The following TRAFD1 variants were observed in gnomAD, a reference collection of about 807,000 sequenced individuals.
The protein encoded by TRAFD1 is TRAF-type zinc finger domain-containing protein 1.
In TRAFD1, 38 loss-of-function variants were observed where a neutral mutation model predicts 65.3. The observed-to-expected ratio is 0.58, with a 90% CI of 0.45 to 0.76. TRAFD1 has a LOEUF of 0.76. TRAFD1 is among the 30% of genes least tolerant of loss of function. The pLI is 0.00. For synonymous variants in TRAFD1, 223 were observed against 257.2 expected, an observed-to-expected ratio of 0.87 and a Z score of 1.27; for missense variants, 631 against 712.6, an observed-to-expected ratio of 0.89 and a Z score of 1.30.
chr12:112,149,597 A>G (rs2030345751), intron 8 of TRAFD1, 154 bp from the exon 9 acceptor site: 1 of 944,206 alleles, frequency 1.1e-6, no homozygotes. Flanking sequence ...GAATGCAACC[A>G]TTCCAGATGT....
At chr12:112,146,207 A>C (rs71465829) in intron 7 of TRAFD1, among the ~76,000 whole-genome samples, 30 of 148,886 alleles carry the variant, frequency 2.0e-4, no homozygotes, top group African/African-American at 7.5e-4. Context: ...AAAAAAAAAA[A>C]CAATAGTGAA....
intron 8 of TRAFD1, among the ~76,000 whole-genome samples, chr12:112,149,012 G>GT (rs1257843868): frequency 1.3e-5 from 2 of 152,128 alleles, no homozygotes; most frequent in Non-Finnish European, 2.9e-5. Context: ...GAGGTCAAAA[G>GT]TTTGAGACTA....
intron 4 of TRAFD1, among the ~76,000 whole-genome samples, chr12:112,136,563 G>T (rs1454680153): frequency 6.6e-6 from 1 of 151,896 alleles, no homozygotes; most frequent in African/African-American, 2.4e-5. Flanking sequence ...GATTAAAGGC[G>T]TGAGCCACCA....
chr12:112,128,337 C>CA (rs890744989), intron 1 of TRAFD1, among the ~76,000 whole-genome samples: 5 of 152,146 alleles, frequency 3.3e-5, no homozygotes, highest in African/African-American at 1.2e-4. Flanking sequence ...GCATGTTGAA[C>CA]AAATGACTAA....
chr12:112,149,001 T>G (rs1202336580), intron 8 of TRAFD1, among the ~76,000 whole-genome samples: 1 of 152,106 alleles, frequency 6.6e-6, no homozygotes, highest in Non-Finnish European at 1.5e-5. Flanking sequence ...GCAGATCACT[T>G]GAGGTCAAAA....
At chr12:112,134,973 G>A (rs1444096356) in intron 3 of TRAFD1, 40 bp from the exon 4 acceptor site, 3 of 1,614,140 alleles carry the variant, frequency 1.9e-6, no homozygotes, top group Non-Finnish European at 2.5e-6. Context: ...TGAGCATATT[G>A]TCCCAAAGCC....
Position 112,152,132 on chromosome 12 carries a change from C to T in TRAFD1, c.1611C>T (p.Tyr537=), listed in dbSNP as rs372660472. 1.0e-4 allele frequency: 165 copies of T among 1,611,022 alleles called. No homozygotes were observed. Among genetic ancestry groups the T allele is most frequent in the Non-Finnish European group, 1.3e-4 (158 of 1,178,060 alleles). ...TCTCCCCTGGGCCTTCAGGGAGATA[C>T]GGAGCTAGGTAAGAATCAGTAGCCC... ...PSFSPGPSGR[Y]GASGRSEGGR... is the part of the protein sequence containing the mutation. Residue 537 remains tyrosine (Y), a synonymous_variant, in exon 10 of 12, where the codon TAC becomes TAT. Transcript: ENST00000412615. The surrounding 1 kb of genome is among the most constrained non-coding windows in gnomAD (Gnocchi z 5.0).
intron 1 of TRAFD1, among the ~76,000 whole-genome samples, chr12:112,126,782 G>T (rs551776349): frequency 1.3e-5 from 2 of 152,120 alleles, no homozygotes; most frequent in Non-Finnish European, 2.9e-5. Flanking sequence ...AGCCTCCTGA[G>T]TAGCTGGGAT....
Position 112,152,436 on chromosome 12 carries a change from T to C in TRAFD1, c.1629T>C (p.Ser543=). 3 of 1,613,246 alleles carry C rather than the reference T, an allele frequency of 1.9e-6. No homozygotes were observed. The highest frequency in any genetic ancestry group is 2.5e-6 in the Non-Finnish European group (3 of 1,180,020). ...AATTGTTTTCTTTCAGTGGTAGGAG[T>C]GAAGGTGGCAGGAATTCCCGGGTCA... ...PSGRYGASGR[S]EGGRNSRVTP... Residue 543 remains serine (S), a synonymous_variant, in exon 11 of 12, where the codon AGT becomes AGC. Coordinates refer to ENST00000412615, the MANE Select transcript of TRAFD1 (RefSeq NM_006700.3). The surrounding 1 kb of genome is among the most constrained non-coding windows in gnomAD (Gnocchi z 5.0).
chr12:112,149,917 G>C, intron 9 of TRAFD1, 46 bp downstream of exon 9: 3 of 1,608,384 alleles, frequency 1.9e-6, no homozygotes, highest in Non-Finnish European at 2.5e-6. Flanking sequence ...TCTACTGCTG[G>C]CTCCGGCCTG....
chr12:112,138,418 C>A (rs34025305), intron 4 of TRAFD1, among the ~76,000 whole-genome samples: 1 of 151,094 alleles, frequency 6.6e-6, no homozygotes, highest in Non-Finnish European at 1.5e-5. Flanking sequence ...GGCATGGTGC[C>A]GCATGCCTGT....
rs4767390 is a variant in TRAFD1, at chr12:112,131,803, A to C, written c.47+1234A>C. Among the ~76,000 whole-genome samples the C allele has an allele frequency of 0.055, 8,440 of 152,308 alleles. 1,291 individuals carry two copies. The East Asian group carries it at 0.61, about 11-fold the overall frequency. On this transcript the variant is annotated intron_variant, in intron 2 of 11. Transcript: ENST00000412615. ...GGCAGTTAAATTTTAAAAGAAAAAA[A>C]CCCAGCAGGCAACTGTTTTATATAA... is the stretch of plus-strand genomic sequence containing the variant.
chr12:112,144,601 C>T (rs995504328), intron 6 of TRAFD1, among the ~76,000 whole-genome samples: 11 of 152,180 alleles, frequency 7.2e-5, no homozygotes, highest in Non-Finnish European at 1.6e-4. Flanking sequence ...ATAAACGTAG[C>T]TGAGCATCAT....
chr12:112,130,370 G>A lies in TRAFD1; in HGVS notation c.-12-141G>A. The stretch of plus-strand genomic sequence containing the variant: ...AATTTTAAAATAAGAAAATCCCAAG[G>A]GACTGGATATTGAATAAAATGCTTT... On this transcript the variant is annotated intron_variant, in intron 1 of 11. Transcript: ENST00000412615. The surrounding 1 kb of genome is among the most constrained non-coding windows in gnomAD (Gnocchi z 4.4). 1.9e-6 allele frequency: 1 copy of A among 519,750 alleles called. No homozygotes were observed. The highest frequency in any genetic ancestry group is 3.4e-6 in the Non-Finnish European group (1 of 292,204). The allele number at this position is 519,750 out of a possible 1,614,324, so 32.2% of individuals were successfully genotyped here.
intron 8 of TRAFD1, among the ~76,000 whole-genome samples, chr12:112,148,877 T>A (rs994367777): frequency 2.0e-5 from 3 of 152,222 alleles, no homozygotes; most frequent in African/African-American, 7.2e-5. Context: ...TGATGCCATG[T>A]AGCTGTTACT....
In TRAFD1 at chr12:112,142,692, C is replaced by T. The variant is rs575876776; in HGVS notation, c.850+397C>T. ...AGGACATTATTGTACAAGTAGAGAA[C>T]TTACATTAAAGTTGCTGAGAGTGAC... On this transcript the variant is annotated intron_variant, in intron 6 of 11. Transcript: ENST00000412615. Among the ~76,000 whole-genome samples, 24 of 151,878 alleles carry T rather than the reference C, an allele frequency of 1.6e-4. No homozygotes were observed. The South Asian group carries it at 5.0e-3, about 32-fold the overall frequency.
chr12:112,128,006 A>G (rs900733756), intron 1 of TRAFD1, among the ~76,000 whole-genome samples: 2 of 149,046 alleles, frequency 1.3e-5, no homozygotes, highest in Admixed American at 6.7e-5. Flanking sequence ...CCTGGCCCAC[A>G]GTATTGTCCT....
At position 112,137,041 on chromosome 12, in the gene TRAFD1, G is replaced by A. The variant is rs1480642542; in HGVS notation, c.237+1975G>A. 6.6e-6 allele frequency among the ~76,000 whole-genome samples: 1 copy of A among 152,110 alleles called. No homozygotes were observed. The highest frequency in any genetic ancestry group is 2.4e-5 in the African/African-American group (1 of 41,420). ...AGTTCGAGACCAGCCTGGCCAATAT[G>A]GTGAAACCCCGTCTCTACTAAAAAT... On this transcript the variant is annotated intron_variant, in intron 4 of 11. Coordinates refer to ENST00000412615, the MANE Select transcript of TRAFD1 (RefSeq NM_006700.3). The surrounding 1 kb of genome is among the most constrained non-coding windows in gnomAD (Gnocchi z 4.2).
chr12:112,139,436 CT>C (rs925734961), intron 4 of TRAFD1, among the ~76,000 whole-genome samples: 124 of 143,754 alleles, frequency 8.6e-4, no homozygotes, highest in Middle Eastern at 3.5e-3. Context: ...TTTTCAAAAG[CT>C]TTTTTTTTTT....
Sources: allele counts gnomAD v4.1 joint callset (sites outside exome capture counted in the v4.1 genomes callset), GRCh38; gene constraint gnomAD v4.1.1; non-coding constraint Gnocchi (gnomAD v3.1); transcripts MANE v1.5; gene names NCBI Gene and HGNC (gene_info 2026-07-23, HGNC 2026-07-21).